The following VAPB variants were observed in gnomAD, a reference collection of about 807,000 sequenced individuals.
VAPB encodes the protein vesicle-associated membrane protein-associated protein B/C.
Under a neutral mutation model 25.6 loss-of-function variants are expected in VAPB, and 7 were observed. The ratio of observed to expected loss-of-function variants is 0.27; its 90% CI spans 0.16 to 0.51. The LOEUF (loss-of-function observed/expected upper bound fraction) is 0.51. Among genes scored for constraint, VAPB ranks in the 20% least tolerant of loss-of-function variants. The pLI is 0.97. For missense variants in VAPB, 266 were observed against 301.3 expected (o/e 0.88, Z 0.87); for synonymous variants, 112 against 109.2 (o/e 1.03, Z -0.16).
In VAPB at chr20:58,450,368, A is replaced by G. The variant is rs1013564857; in HGVS notation, c.*6133A>G. On this transcript the variant is annotated 3_prime_UTR_variant, in exon 6 of 6. Transcript: ENST00000475243. Reference sequence around the variant, plus strand: ...AAGTACCCTCTGTCTGTTTGCTACTATATGAGGTGCTGCGAAATTAGTGGG... The same window carrying G: ...AAGTACCCTCTGTCTGTTTGCTACTGTATGAGGTGCTGCGAAATTAGTGGG... 3.1e-5 allele frequency: 14 copies of G among 453,922 alleles called. No homozygotes were observed. Among genetic ancestry groups the G allele is most frequent in the African/African-American group, 1.8e-4 (9 of 49,982 alleles). 28.1% of individuals were successfully genotyped at this position (453,922 alleles called of 1,614,324 possible). A position where few individuals can be genotyped will look rare whatever the true frequency, so the allele number is the denominator to read the frequency against.
chr20:58,432,687 G>A (rs1361752476), intron 2 of VAPB, among the ~76,000 whole-genome samples: 1 of 152,142 alleles, frequency 6.6e-6, no homozygotes, highest in African/African-American at 2.4e-5. Flanking sequence ...TTTAAAATGT[G>A]TGTTTTCGTT....
chr20:58,427,899 C>G (rs1448844659), intron 2 of VAPB, among the ~76,000 whole-genome samples: 1 of 144,700 alleles, frequency 6.9e-6, no homozygotes, highest in Non-Finnish European at 1.5e-5. Context: ...GATCTGTGAT[C>G]TGTTACCATT....
rs1292040192 is a variant in VAPB at position 58,448,661 on chromosome 20, C to T, written c.*4426C>T. 1 of 453,886 alleles carries T rather than the reference C, an allele frequency of 2.2e-6. No homozygotes were observed. The highest frequency in any genetic ancestry group is 4.4e-6 in the Non-Finnish European group (1 of 226,712). The allele number at this position is 453,886 out of a possible 1,614,324, so 28.1% of individuals were successfully genotyped here. A position where few individuals can be genotyped will look rare whatever the true frequency, so the allele number is the denominator to read the frequency against. On this transcript the variant is annotated 3_prime_UTR_variant, in exon 6 of 6. Coordinates refer to ENST00000475243, the MANE Select transcript of VAPB (RefSeq NM_004738.5). ...GCCTCAGCTACTCTGCCCGTCTGTA[C>T]ATCTTTTGTGTCTGCCTCCGTACCT...
At chr20:58,393,904 G>T (rs1002465931) in intron 1 of VAPB, among the ~76,000 whole-genome samples, 5 of 152,050 alleles carry the variant, frequency 3.3e-5, no homozygotes, top group African/African-American at 1.2e-4. Context: ...GGCTAATTTT[G>T]TACTTTCAAT....
intron 1 of VAPB, among the ~76,000 whole-genome samples, chr20:58,414,311 C>T (rs1430415002): frequency 3.4e-5 from 5 of 146,790 alleles, no homozygotes; most frequent in African/African-American, 1.0e-4. Context: ...GGCTGCTGGC[C>T]TGGCGGGGGG....
At chr20:58,419,790 C>A (rs1253820389) in intron 2 of VAPB, among the ~76,000 whole-genome samples, 6 of 152,078 alleles carry the variant, frequency 3.9e-5, no homozygotes, top group Admixed American at 6.5e-5. Flanking sequence ...TATCTACTTT[C>A]CCCCCCTCGA....
rs12512 is a variant in VAPB at position 58,445,288 on chromosome 20, C to G, written c.*1053C>G. On this transcript the variant is annotated 3_prime_UTR_variant, in exon 6 of 6. Coordinates refer to ENST00000475243, the MANE Select transcript of VAPB (RefSeq NM_004738.5). ...AACCATTACTCACACTTCCAGCGCC[C>G]AGGTCCAAGTCTGAGCCTGACCTCC... 1 of 454,216 alleles carries G rather than the reference C, an allele frequency of 2.2e-6. No homozygotes were observed. The highest frequency in any genetic ancestry group is 1.6e-5 in the South Asian group (1 of 64,474). The allele number at this position is 454,216 out of a possible 1,614,324, so 28.1% of individuals were successfully genotyped here. A position where few individuals can be genotyped will look rare whatever the true frequency, so the allele number is the denominator to read the frequency against.
At chr20:58,434,255 T>G (rs1988990451) in intron 2 of VAPB, among the ~76,000 whole-genome samples, 1 of 152,232 alleles carries the variant, frequency 6.6e-6, no homozygotes, top group African/African-American at 2.4e-5. Flanking sequence ...TATGTTTTCT[T>G]GAGCAAAACA....
chr20:58,441,123 C>G, intron 5 of VAPB, 40 bp downstream of exon 5: 2 of 1,602,854 alleles, frequency 1.2e-6, no homozygotes, highest in Non-Finnish European at 1.7e-6. Flanking sequence ...AAAACAAGGG[C>G]GTTTTCACTA....
At chr20:58,407,973 T>C (rs1344035049) in intron 1 of VAPB, among the ~76,000 whole-genome samples, 3 of 152,220 alleles carry the variant, frequency 2.0e-5, no homozygotes, top group Non-Finnish European at 4.4e-5. Flanking sequence ...TTCAGGTAGC[T>C]TTCCTGAGTT....
rs1035954841 is a variant in VAPB, at chr20:58,444,569, C to T, written c.*334C>T. ...GCCTTGGTACATGATGCTGGATTAC[C>T]TCTCTTAAAATGACACCCTTCCTCG... is the stretch of plus-strand genomic sequence containing the variant. On this transcript the variant is annotated 3_prime_UTR_variant, in exon 6 of 6. Transcript: ENST00000475243. The T allele has an allele frequency of 1.1e-5, 5 of 471,708 alleles. No homozygotes were observed. Among genetic ancestry groups the T allele is most frequent in the Non-Finnish European group, 1.7e-5 (4 of 238,832 alleles). 29.2% of individuals were successfully genotyped at this position (471,708 alleles called of 1,614,324 possible).
intron 1 of VAPB, among the ~76,000 whole-genome samples, chr20:58,394,389 C>G (rs957580126): frequency 6.6e-6 from 1 of 152,178 alleles, no homozygotes; most frequent in Non-Finnish European, 1.5e-5. Context: ...TTTCAGATGC[C>G]AAGTACAGCA....
chr20:58,395,020 G>A (rs984684513), intron 1 of VAPB, among the ~76,000 whole-genome samples: 2 of 152,100 alleles, frequency 1.3e-5, no homozygotes, highest in Non-Finnish European at 2.9e-5. Flanking sequence ...TGTTATTATC[G>A]CTAAGTAGTT....
At chr20:58,410,088 C>T (rs1568703801) in intron 1 of VAPB, among the ~76,000 whole-genome samples, 1 of 152,036 alleles carries the variant, frequency 6.6e-6, no homozygotes, top group African/African-American at 2.4e-5. Context: ...TAGGTTCACA[C>T]AAAAACTGAG....
chr20:58,394,833 T>C (rs1192097328), intron 1 of VAPB, among the ~76,000 whole-genome samples: 1 of 152,228 alleles, frequency 6.6e-6, no homozygotes, highest in East Asian at 1.9e-4. Flanking sequence ...ATCACTGTTA[T>C]CTTCATAATT....
In VAPB at chr20:58,423,413, A is replaced by AC. The variant is rs1180512813; in HGVS notation, c.211+5051dup. On this transcript the variant is annotated intron_variant, in intron 2 of 5. Transcript: ENST00000475243. ...GGCAACAAGAGAGAAACTCCATCTC[A>AC]CAAAAAAAAAAAAAAAAAAAAAAAA... Among the ~76,000 whole-genome samples the AC allele has an allele frequency of 4.1e-4, 41 of 99,232 alleles. 1 individual carries two copies. The highest frequency in any genetic ancestry group is 4.7e-3 in the Middle Eastern group (1 of 214). 65.1% of individuals were successfully genotyped at this position (99,232 alleles called of 152,430 possible).
intron 2 of VAPB, among the ~76,000 whole-genome samples, chr20:58,430,539 C>T (rs1335644363): frequency 6.6e-6 from 1 of 151,896 alleles, no homozygotes; most frequent in East Asian, 1.9e-4. Flanking sequence ...GGATTACAGC[C>T]ATGAGCTGCT....
intron 2 of VAPB, among the ~76,000 whole-genome samples, chr20:58,432,075 G>T (rs757911037): frequency 2.0e-5 from 3 of 152,148 alleles, no homozygotes; most frequent in Non-Finnish European, 4.4e-5. Flanking sequence ...GGAAGGACCT[G>T]TTTTCCCTTG....
At chr20:58,423,318 A>G (rs747183355) in intron 2 of VAPB, among the ~76,000 whole-genome samples, 5 of 145,770 alleles carry the variant, frequency 3.4e-5, no homozygotes, top group Non-Finnish European at 7.5e-5. Flanking sequence ...AGGCTGAGGC[A>G]GGAGAATCAC....
Sources: gnomAD v4.1 joint callset for allele counts (sites outside exome capture counted in the v4.1 genomes callset) on GRCh38, gnomAD v4.1.1 for gene constraint, MANE v1.5 for transcripts, NCBI Gene and HGNC (gene_info 2026-07-23, HGNC 2026-07-21) for gene names.